The following PPP2R3A variants were observed in gnomAD, a reference collection of about 807,000 sequenced individuals.
PPP2R3A encodes the protein protein phosphatase 2 regulatory subunit B''alpha.
A neutral mutation model predicts 106.9 loss-of-function variants in PPP2R3A; 80 were observed. That is an observed-to-expected ratio of 0.75 (90% confidence interval 0.62 to 0.90). The LOEUF is 0.90. Among genes scored for constraint, PPP2R3A ranks in the 40% least tolerant of loss-of-function variants. The probability of loss-of-function intolerance (pLI) is 0.00; values close to 1 mark genes in which losing one functional copy is unlikely to be tolerated. For synonymous variants in PPP2R3A, 483 were observed against 468.3 expected (o/e 1.03, Z -0.41); for missense variants, 1,386 against 1,350.4 (o/e 1.03, Z -0.41).
chr3:136,030,219 A>G (rs761677178), intron 3 of PPP2R3A, among the ~76,000 whole-genome samples: 2 of 129,138 alleles, frequency 1.5e-5, no homozygotes, highest in African/African-American at 3.6e-5. Flanking sequence ...ACCTGTCTCA[A>G]TAAAAAGTTG....
intron 2 of PPP2R3A, among the ~76,000 whole-genome samples, chr3:136,025,583 AG>A (rs1199127501): frequency 1.3e-5 from 2 of 152,114 alleles, no homozygotes; most frequent in Non-Finnish European, 1.5e-5. Flanking sequence ...CACATTTTTA[AG>A]GGTAGCTAAA....
At chr3:135,983,885 C>G (rs1305378710) in intron 1 of PPP2R3A, among the ~76,000 whole-genome samples, 1 of 152,214 alleles carries the variant, frequency 6.6e-6, no homozygotes, top group Non-Finnish European at 1.5e-5. Context: ...AGAGAGGTAG[C>G]ACTTAACATT....
chr3:136,128,730 A>C (rs1938282643), intron 13 of PPP2R3A, among the ~76,000 whole-genome samples: 1 of 152,200 alleles, frequency 6.6e-6, no homozygotes, highest in Non-Finnish European at 1.5e-5. Context: ...TCTCAGCACC[A>C]CATCACACTT....
chr3:136,029,266 C>A (rs748475180), intron 3 of PPP2R3A, among the ~76,000 whole-genome samples: 8 of 152,176 alleles, frequency 5.3e-5, no homozygotes, highest in Non-Finnish European at 7.4e-5. Flanking sequence ...CTGAGGTCAT[C>A]ATGTCTGGAG....
rs1298492264 is a variant in PPP2R3A, at chr3:136,147,040, T to C, written c.*1874T>C. On this transcript the variant is annotated 3_prime_UTR_variant, in exon 14 of 14. Coordinates refer to ENST00000264977, the MANE Select transcript of PPP2R3A (RefSeq NM_002718.5). ...TTTACCTTGGTTCTCCTTACTGAAG[T>C]CCTCTTGCTTTCACTTTGATCTGGT... The C allele has an allele frequency of 5.9e-5, 9 of 152,282 alleles. No homozygotes were observed. The highest frequency in any genetic ancestry group is 2.2e-4 in the African/African-American group (9 of 41,558). 9.4% of individuals were successfully genotyped at this position (152,282 alleles called of 1,614,324 possible).
chr3:136,093,561 A>T (rs2107951440), intron 10 of PPP2R3A, among the ~76,000 whole-genome samples: 1 of 152,256 alleles, frequency 6.6e-6, no homozygotes, highest in Non-Finnish European at 1.5e-5. Context: ...CAACTCAATA[A>T]TAGACTGACC....
intron 7 of PPP2R3A, chr3:136,079,221 G>C (rs890213680): frequency 2.2e-6 from 1 of 453,784 alleles, no homozygotes; most frequent in Non-Finnish European, 4.4e-6. Flanking sequence ...AAAATGAACA[G>C]TCATCATCAC....
At chr3:136,012,329 C>T (rs770375253) in intron 2 of PPP2R3A, among the ~76,000 whole-genome samples, 1 of 152,160 alleles carries the variant, frequency 6.6e-6, no homozygotes, top group Non-Finnish European at 1.5e-5. Context: ...GATCCTAGAA[C>T]AACATCTACC....
At chr3:135,975,174 G>T (rs1266927638) in intron 1 of PPP2R3A, among the ~76,000 whole-genome samples, 1 of 152,162 alleles carries the variant, frequency 6.6e-6, no homozygotes, top group Admixed American at 6.5e-5. Context: ...AGGCTCACTG[G>T]GTGCTGGCAG....
chr3:135,981,497 T>C (rs905139867), intron 1 of PPP2R3A, among the ~76,000 whole-genome samples: 1 of 151,860 alleles, frequency 6.6e-6, no homozygotes, highest in African/African-American at 2.4e-5. Context: ...GACCTTTTTT[T>C]CTAGTCCAGG....
intron 5 of PPP2R3A, among the ~76,000 whole-genome samples, chr3:136,058,642 T>C (rs570772244): frequency 6.1e-4 from 93 of 152,128 alleles, no homozygotes; most frequent in Non-Finnish European, 9.6e-4. Context: ...TTTACAGAAA[T>C]AGGAAATAGA....
chr3:136,106,976 T>TAAAG (rs1937529880), intron 13 of PPP2R3A: 1 of 122,270 alleles, frequency 8.2e-6, no homozygotes, highest in African/African-American at 3.1e-5. Context: ...TCAATAATAA[T>TAAAG]AAAGATGATC....
intron 13 of PPP2R3A, among the ~76,000 whole-genome samples, chr3:136,136,028 A>C (rs1224207342): frequency 7.3e-6 from 1 of 137,856 alleles, no homozygotes; most frequent in Non-Finnish European, 1.5e-5. Context: ...CCTGGGCAAC[A>C]GAGCAAGACT....
At chr3:135,966,526 T>C (rs1461277644) in intron 1 of PPP2R3A, among the ~76,000 whole-genome samples, 1 of 151,978 alleles carries the variant, frequency 6.6e-6, no homozygotes, top group Non-Finnish European at 1.5e-5. Context: ...CGGAGGGGCG[T>C]TCTCCTGGGG....
At chr3:136,119,765 A>G (rs953228278) in intron 13 of PPP2R3A, among the ~76,000 whole-genome samples, 2 of 152,208 alleles carry the variant, frequency 1.3e-5, no homozygotes, top group Admixed American at 6.5e-5. Flanking sequence ...TTGTGGGAGT[A>G]TAAGTTAGTT....
intron 1 of PPP2R3A, among the ~76,000 whole-genome samples, chr3:135,994,354 G>A (rs1036379935): frequency 6.6e-6 from 1 of 152,112 alleles, no homozygotes; most frequent in Non-Finnish European, 1.5e-5. Flanking sequence ...TTCTGTTTCA[G>A]TTTTTTCCTC....
intron 13 of PPP2R3A, among the ~76,000 whole-genome samples, chr3:136,142,530 G>A (rs187005297): frequency 6.6e-6 from 1 of 152,104 alleles, no homozygotes; most frequent in African/African-American, 2.4e-5. Flanking sequence ...ATAGGATTAG[G>A]TGTCACTCAC....
chr3:136,051,647 A>G (rs1431265898), intron 5 of PPP2R3A, among the ~76,000 whole-genome samples: 1 of 152,188 alleles, frequency 6.6e-6, no homozygotes, highest in Non-Finnish European at 1.5e-5. Flanking sequence ...GATTTTTTAA[A>G]AAGATTTTTG....
chr3:136,047,900 G>A (rs1157447074), intron 4 of PPP2R3A, among the ~76,000 whole-genome samples: 4 of 149,580 alleles, frequency 2.7e-5, no homozygotes, highest in Admixed American at 6.6e-5. Context: ...GCGAGACTCC[G>A]TCTCAAAAAA....
Sources: gnomAD v4.1 joint callset for allele counts (sites outside exome capture counted in the v4.1 genomes callset) on GRCh38, gnomAD v4.1.1 for gene constraint, MANE v1.5 for transcripts, NCBI Gene and HGNC (gene_info 2026-07-23, HGNC 2026-07-21) for gene names.